CARMIL1: variants seen among roughly 807,000 people sequenced by gnomAD.
CARMIL1 encodes F-actin-uncapping protein LRRC16A.
A neutral mutation model predicts 177.1 loss-of-function variants in CARMIL1; 90 were observed. That is an observed-to-expected ratio of 0.51 (90% CI 0.43 to 0.61). The LOEUF is 0.61. CARMIL1 is among the 20% of genes least tolerant of loss of function. The pLI, the probability that CARMIL1 is intolerant of heterozygous loss-of-function variation, is 0.00. For synonymous variants in CARMIL1, 577 were observed against 606.2 expected (o/e 0.95, Z 0.71); for missense variants, 1,380 against 1,667.0 (o/e 0.83, Z 3.00).
chr6:25,614,975 G>A (rs1390494322), intron 36 of CARMIL1, among the ~76,000 whole-genome samples: 2 of 152,126 alleles, frequency 1.3e-5, no homozygotes, highest in Admixed American at 6.5e-5. Flanking sequence ...TTACTTTTCT[G>A]CTTTGATTTC....
chr6:25,378,698 G>C (rs925101947), intron 2 of CARMIL1, among the ~76,000 whole-genome samples: 15 of 152,046 alleles, frequency 9.9e-5, no homozygotes, highest in African/African-American at 3.4e-4. Context: ...TCCCCAGTAG[G>C]AGTGCATATC....
chr6:25,365,174 C>T (rs1276184542), intron 2 of CARMIL1, among the ~76,000 whole-genome samples: 2 of 152,172 alleles, frequency 1.3e-5, no homozygotes, highest in East Asian at 1.9e-4. Context: ...CTATTTTGGT[C>T]TTGTTACCAT....
At chr6:25,341,931 G>A (rs954353403) in intron 2 of CARMIL1, among the ~76,000 whole-genome samples, 17 of 152,232 alleles carry the variant, frequency 1.1e-4, no homozygotes, top group African/African-American at 3.6e-4. Context: ...GAAAGGCGGA[G>A]GAGGGGGCAC....
At chr6:25,309,105 C>T (rs1783536558) in intron 2 of CARMIL1, among the ~76,000 whole-genome samples, 3 of 152,120 alleles carry the variant, frequency 2.0e-5, no homozygotes, top group Admixed American at 6.5e-5. Context: ...CCAGGCTGGT[C>T]ATGAACTCCT....
chr6:25,373,021 A>T (rs1202561785), intron 2 of CARMIL1, among the ~76,000 whole-genome samples: 2 of 152,144 alleles, frequency 1.3e-5, no homozygotes, highest in Admixed American at 6.5e-5. Context: ...TTGTGTTTTT[A>T]AAAAATTCTG....
chr6:25,431,294 G>A (rs1796763203), intron 4 of CARMIL1, among the ~76,000 whole-genome samples: 1 of 151,984 alleles, frequency 6.6e-6, no homozygotes. Flanking sequence ...GTGTTTGTGT[G>A]TATGTGGAGT....
chr6:25,462,933 A>T (rs1800249140), intron 8 of CARMIL1, among the ~76,000 whole-genome samples: 2 of 152,230 alleles, frequency 1.3e-5, no homozygotes, highest in Admixed American at 1.3e-4. Context: ...ATATCTGCTG[A>T]ATATGATATG....
At chr6:25,361,727 G>T (rs1424682834) in intron 2 of CARMIL1, among the ~76,000 whole-genome samples, 3 of 152,110 alleles carry the variant, frequency 2.0e-5, no homozygotes, top group African/African-American at 7.2e-5. Flanking sequence ...GGGGCCTGTG[G>T]GATGTAATAA....
In CARMIL1 at chr6:25,369,473, G is replaced by T. The variant is rs1249316375; in HGVS notation, c.139-50641G>T. Among the ~76,000 whole-genome samples, 4 of 150,844 alleles carry T rather than the reference G, an allele frequency of 2.7e-5. No homozygotes were observed. The South Asian group carries it at 8.4e-4, about 32-fold the overall frequency. ...AAGACTCCCGTTTCCACATTGCTTGGCTGCTACATTTTTATAACACCACAG... is the reference window on the plus strand; with the variant it reads ...AAGACTCCCGTTTCCACATTGCTTGTCTGCTACATTTTTATAACACCACAG... On this transcript the variant is annotated intron_variant, in intron 2 of 36. Coordinates refer to ENST00000329474, the MANE Select transcript of CARMIL1 (RefSeq NM_017640.6).
At chr6:25,367,575 T>TTAAGGCTTGAAGAGGAAGGTAAGGAGGG (rs1411206780) in intron 2 of CARMIL1, among the ~76,000 whole-genome samples, 2 of 152,110 alleles carry the variant, frequency 1.3e-5, no homozygotes, top group African/African-American at 2.4e-5. Context: ...CTCAGTCCTG[T>TTAAGGCTTGAAGAGGAAGGTAAGGAGGG]TAAGGCTTGA....
intron 2 of CARMIL1, among the ~76,000 whole-genome samples, chr6:25,341,650 A>G (rs1786956821): frequency 6.6e-6 from 1 of 152,254 alleles, no homozygotes; most frequent in Non-Finnish European, 1.5e-5. Context: ...CCTGCAGGGC[A>G]GAGGTTGCAG....
chr6:25,595,429 C>G (rs377489373), intron 32 of CARMIL1, among the ~76,000 whole-genome samples: 20 of 152,248 alleles, frequency 1.3e-4, no homozygotes, highest in East Asian at 9.7e-4. Flanking sequence ...AATTTTATAT[C>G]CATAACAATG....
At chr6:25,619,131 C>T (rs925837210) in intron 36 of CARMIL1, among the ~76,000 whole-genome samples, 1 of 152,194 alleles carries the variant, frequency 6.6e-6, no homozygotes, top group African/African-American at 2.4e-5. Context: ...CTCCTCCCTC[C>T]TGGCATCTCC....
intron 5 of CARMIL1, 83 bp downstream of exon 5, chr6:25,435,687 C>G: frequency 2.8e-6 from 4 of 1,408,096 alleles, no homozygotes; most frequent in Non-Finnish European, 2.8e-6. Flanking sequence ...TTCTTTTTAC[C>G]CCTTCACTTA....
chr6:25,455,324 G>A (rs1005217315), intron 8 of CARMIL1, among the ~76,000 whole-genome samples: 3 of 151,976 alleles, frequency 2.0e-5, no homozygotes, highest in South Asian at 2.1e-4. Flanking sequence ...TTTTCTCGCC[G>A]TTATATTTAG....
At chr6:25,602,721 G>A (rs1455455591) in intron 33 of CARMIL1, among the ~76,000 whole-genome samples, 1 of 152,054 alleles carries the variant, frequency 6.6e-6, no homozygotes, top group African/African-American at 2.4e-5. Flanking sequence ...TACCATGACT[G>A]TATTCTTTCT....
At chr6:25,585,920 G>C (rs564391387) in intron 31 of CARMIL1, among the ~76,000 whole-genome samples, 2,777 of 151,950 alleles carry the variant, frequency 0.018, 75 homozygotes, top group African/African-American at 0.058. Context: ...TAGTACAGAA[G>C]AAAATGGAGT....
At chr6:25,453,558 T>C (rs1237192675) in intron 8 of CARMIL1, among the ~76,000 whole-genome samples, 5 of 152,188 alleles carry the variant, frequency 3.3e-5, no homozygotes, top group African/African-American at 9.6e-5. Context: ...TTTAATAAAA[T>C]GAGTAATGTT....
At chr6:25,594,069 G>A (rs534491961) in intron 31 of CARMIL1, among the ~76,000 whole-genome samples, 2 of 152,206 alleles carry the variant, frequency 1.3e-5, no homozygotes, top group African/African-American at 4.8e-5. Flanking sequence ...GTCAGTGCGT[G>A]TTTCATTTCT....
Sources: gnomAD v4.1 joint callset for allele counts (sites outside exome capture counted in the v4.1 genomes callset) on GRCh38, gnomAD v4.1.1 for gene constraint, MANE v1.5 for transcripts, NCBI Gene and HGNC (gene_info 2026-07-23, HGNC 2026-07-21) for gene names.